Variants in MAP2 observed in about 807,000 individuals in gnomAD.
The protein encoded by MAP2 is microtubule associated protein 2.
MAP2 carries 14 observed loss-of-function variants against 137.6 expected under a neutral mutation model. The observed-to-expected ratio is 0.10, with a 90% CI of 0.07 to 0.16. MAP2 has a LOEUF of 0.16. Ranked by LOEUF, MAP2 falls within the 10% of genes least tolerant of loss-of-function variation. The pLI, the probability that MAP2 is intolerant of heterozygous loss-of-function variation, is 1.00. For synonymous variants in MAP2, 786 were observed against 782.3 expected (o/e 1.00, Z -0.08); for missense variants, 2,088 against 2,191.5 (o/e 0.95, Z 0.94).
chr2:209,646,773 C>T (rs947208371), intron 4 of MAP2, among the ~76,000 whole-genome samples: 1 of 150,864 alleles, frequency 6.6e-6, no homozygotes, highest in African/African-American at 2.5e-5. Flanking sequence ...TTTGTTCTTT[C>T]TTCATTCTTT....
rs1559580218 is a variant in MAP2 at position 209,693,948 on chromosome 2, A to G, written c.1778A>G (p.Tyr593Cys). The stretch of plus-strand genomic sequence containing the variant: ...AGCATTGAGCCAGGCAGTGATTACT[A>G]TGAACTGAGTGACACTAGAGAAAGT... ...TKSIEPGSDY[Y>C]ELSDTRESVH... The change falls in exon 8 of 16, where the codon TAT (tyrosine) becomes TGT (cysteine). Residue 593 changes from tyrosine to cysteine, a missense_variant. Coordinates refer to ENST00000682079, the MANE Select transcript of MAP2 (RefSeq NM_001375505.1). 4 of 1,613,816 alleles carry G rather than the reference A, an allele frequency of 2.5e-6. No homozygotes were observed. The East Asian group carries it at 6.7e-5, about 27-fold the overall frequency.
intron 2 of MAP2, among the ~76,000 whole-genome samples, chr2:209,513,729 C>T (rs2062055809): frequency 6.6e-6 from 1 of 151,980 alleles, no homozygotes; most frequent in African/African-American, 2.4e-5. Context: ...CATCAACAAG[C>T]CTATTTCCTC....
intron 2 of MAP2, among the ~76,000 whole-genome samples, chr2:209,512,320 AG>A (rs1268454287): frequency 6.6e-6 from 1 of 151,994 alleles, no homozygotes; most frequent in African/African-American, 2.4e-5. Flanking sequence ...ATGCAAAAAA[AG>A]ACTCTTAGAA....
chr2:209,562,780 A>T (rs921793504), intron 2 of MAP2, among the ~76,000 whole-genome samples: 3 of 152,092 alleles, frequency 2.0e-5, no homozygotes, highest in East Asian at 1.9e-4. Flanking sequence ...CCCAGCGGTG[A>T]TTGCACACCA....
chr2:209,621,024 G>T (rs1353604458), intron 3 of MAP2, among the ~76,000 whole-genome samples: 1 of 151,834 alleles, frequency 6.6e-6, no homozygotes, highest in African/African-American at 2.4e-5. Context: ...GTGAAACTCT[G>T]TCTCTACTAG....
intron 3 of MAP2, among the ~76,000 whole-genome samples, chr2:209,584,449 T>C (rs1200943208): frequency 2.0e-5 from 3 of 152,158 alleles, no homozygotes; most frequent in Non-Finnish European, 4.4e-5. Flanking sequence ...AAATGGCTAA[T>C]ATTCATCTTT....
At chr2:209,664,445 G>T (rs956780522) in intron 5 of MAP2, among the ~76,000 whole-genome samples, 17 of 152,108 alleles carry the variant, frequency 1.1e-4, no homozygotes, top group African/African-American at 4.1e-4. Context: ...AGCTACCTGG[G>T]AGGCTGAAGC....
At chr2:209,640,178 C>T (rs572774922) in intron 4 of MAP2, among the ~76,000 whole-genome samples, 4 of 152,112 alleles carry the variant, frequency 2.6e-5, no homozygotes, top group Admixed American at 6.6e-5. Flanking sequence ...GAGATGTTGA[C>T]GTACCTCCAC....
At chr2:209,682,620 AC>A (rs1293528725) in intron 7 of MAP2, among the ~76,000 whole-genome samples, 2 of 152,062 alleles carry the variant, frequency 1.3e-5, no homozygotes, top group Admixed American at 1.3e-4. Context: ...TACAAGAGAA[AC>A]CTGATTTTAT....
intron 2 of MAP2, among the ~76,000 whole-genome samples, chr2:209,526,836 T>C (rs993990090): frequency 3.9e-5 from 6 of 151,948 alleles, no homozygotes; most frequent in African/African-American, 7.3e-5. Context: ...ATTTCATACC[T>C]GAGATATAAG....
intron 3 of MAP2, among the ~76,000 whole-genome samples, chr2:209,608,312 A>G (rs2085526924): frequency 6.6e-6 from 1 of 151,836 alleles, no homozygotes; most frequent in Non-Finnish European, 1.5e-5. Flanking sequence ...TAATGGAGAC[A>G]GTATCTTGCT....
At chr2:209,662,465 T>C (rs1348950952) in intron 5 of MAP2, among the ~76,000 whole-genome samples, 4 of 152,224 alleles carry the variant, frequency 2.6e-5, no homozygotes, top group Non-Finnish European at 5.9e-5. Context: ...ATGAAAATTA[T>C]TCTTTCTAGT....
intron 2 of MAP2, among the ~76,000 whole-genome samples, chr2:209,563,859 A>G (rs1334722041): frequency 6.6e-6 from 1 of 152,200 alleles, no homozygotes; most frequent in African/African-American, 2.4e-5. Context: ...TTCTATGGTT[A>G]CCAGTTCACA....
chr2:209,580,147 A>C (rs2076082561), intron 3 of MAP2, 47 bp downstream of exon 3: 1 of 152,026 alleles, frequency 6.6e-6, no homozygotes, highest in South Asian at 2.1e-4. Context: ...AAATCAGGGG[A>C]GAATTGGAAT....
chr2:209,695,493 C>T lies in MAP2; in HGVS notation c.3323C>T (p.Thr1108Ile). 5.0e-6 allele frequency: 8 copies of T among 1,614,034 alleles called. No homozygotes were observed. Among genetic ancestry groups the T allele is most frequent in the Non-Finnish European group, 6.8e-6 (8 of 1,180,004 alleles). Residue 1108 changes from threonine to isoleucine, a missense_variant, in exon 8 of 16, where the codon ACA becomes ATA. By Grantham distance (89) the Thr-to-Ile change is moderately conservative. Transcript: ENST00000682079. ...HMKEGTKVSE[T>I]EVKEKVAKPD... ...AAAGAAGGCACTAAAGTTAGTGAGA[C>T]AGAAGTCAAAGAGAAGGTGGCCAAG...
intron 4 of MAP2, among the ~76,000 whole-genome samples, 192 bp downstream of exon 4, chr2:209,625,321 TAGTGTTGAGTTGACTTA>T (rs1255522765): frequency 6.6e-6 from 1 of 152,158 alleles, no homozygotes; most frequent in Non-Finnish European, 1.5e-5. Context: ...CAGCACTTCA[TAGTGTTGAGTTGACTTA>T]ATAGTAAGAA....
intron 2 of MAP2, among the ~76,000 whole-genome samples, chr2:209,520,030 G>A (rs902544891): frequency 6.6e-6 from 1 of 151,966 alleles, no homozygotes; most frequent in Non-Finnish European, 1.5e-5. Flanking sequence ...TAGCTTTCTG[G>A]TGCATTTAAC....
At chr2:209,561,948 T>C (rs1188525981) in intron 2 of MAP2, among the ~76,000 whole-genome samples, 1 of 152,196 alleles carries the variant, frequency 6.6e-6, no homozygotes, top group Non-Finnish European at 1.5e-5. Flanking sequence ...TCTCCGCAAG[T>C]AGCTAACTCT....
At chr2:209,492,331 T>C (rs1256672788) in intron 1 of MAP2, among the ~76,000 whole-genome samples, 1 of 152,134 alleles carries the variant, frequency 6.6e-6, no homozygotes, top group Non-Finnish European at 1.5e-5. Flanking sequence ...ACAGCCAGTA[T>C]CACACTGAAT....
Sources: allele counts gnomAD v4.1 joint callset (sites outside exome capture counted in the v4.1 genomes callset), GRCh38; gene constraint gnomAD v4.1.1; transcripts MANE v1.5; gene names NCBI Gene and HGNC (gene_info 2026-07-23, HGNC 2026-07-21).